The following ELP4 variants were observed in gnomAD, a reference collection of about 807,000 sequenced individuals.
ELP4 encodes the protein elongator acetyltransferase complex subunit 4.
In ELP4, 51 loss-of-function variants were observed where a neutral mutation model predicts 48.9. The observed-to-expected ratio is 1.04, with a 90% CI of 0.83 to 1.32. The LOEUF (loss-of-function observed/expected upper bound fraction) is 1.32, where lower values mean the gene tolerates loss of function less well. ELP4 is among the 40% of genes most tolerant of loss of function. The probability of loss-of-function intolerance (pLI) is 0.00; values close to 1 mark genes in which losing one functional copy is unlikely to be tolerated. For synonymous variants in ELP4, 210 were observed against 189.2 expected (o/e 1.11, Z -0.90); for missense variants, 519 against 514.6 (o/e 1.01, Z -0.08).
intron 9 of ELP4, among the ~76,000 whole-genome samples, chr11:31,725,382 C>G (rs886549919): frequency 2.6e-5 from 4 of 152,132 alleles, no homozygotes; most frequent in African/African-American, 9.7e-5. Flanking sequence ...TCCTGCTTGT[C>G]CCACAGGAAT....
intron 9 of ELP4, chr11:31,653,065 G>A (rs1457562813): frequency 6.6e-6 from 1 of 151,620 alleles, no homozygotes; most frequent in Non-Finnish European, 1.5e-5. Flanking sequence ...GAAAGCAAAG[G>A]AATATTTCTT....
At chr11:31,524,513 G>C (rs1366950425) in intron 2 of ELP4, among the ~76,000 whole-genome samples, 1 of 152,258 alleles carries the variant, frequency 6.6e-6, no homozygotes, top group East Asian at 1.9e-4. Context: ...ATAATCTCTT[G>C]GTTAGAAGCA....
intron 9 of ELP4, among the ~76,000 whole-genome samples, chr11:31,682,426 C>T (rs991026316): frequency 6.6e-6 from 1 of 152,200 alleles, no homozygotes; most frequent in South Asian, 2.1e-4. Context: ...CTGCTGAGAT[C>T]TCACATACAT....
intron 1 of ELP4, among the ~76,000 whole-genome samples, chr11:31,516,588 C>T (rs1390246745): frequency 1.3e-5 from 2 of 152,304 alleles, no homozygotes; most frequent in East Asian, 3.9e-4. Context: ...CATAACTTCC[C>T]ATGCTCAATT....
intron 7 of ELP4, among the ~76,000 whole-genome samples, chr11:31,644,148 C>G (rs956204862): frequency 1.3e-5 from 2 of 151,554 alleles, no homozygotes; most frequent in African/African-American, 4.8e-5. Flanking sequence ...GATTTTTGAG[C>G]CATCCTACAT....
At chr11:31,735,429 C>T (rs897730022) in intron 9 of ELP4, among the ~76,000 whole-genome samples, 7 of 152,136 alleles carry the variant, frequency 4.6e-5, no homozygotes, top group African/African-American at 1.2e-4. Context: ...CAGGGATGCC[C>T]TCTCTCACCA....
chr11:31,540,126 G>A (rs765536498), intron 3 of ELP4, among the ~76,000 whole-genome samples: 2 of 152,078 alleles, frequency 1.3e-5, no homozygotes, highest in African/African-American at 4.8e-5. Context: ...TTGAAGAAAG[G>A]GGAAAAACAT....
At chr11:31,585,598 C>T (rs1023539877) in intron 3 of ELP4, among the ~76,000 whole-genome samples, 2 of 151,648 alleles carry the variant, frequency 1.3e-5, no homozygotes, top group Non-Finnish European at 2.9e-5. Context: ...GAAATTCCTC[C>T]GTAAGAGATT....
intron 1 of ELP4, chr11:31,510,302 A>G: frequency 3.8e-6 from 2 of 528,110 alleles, no homozygotes; most frequent in South Asian, 3.1e-5. Flanking sequence ...TTTCTAGTCA[A>G]GGGAAGACAT....
intron 9 of ELP4, among the ~76,000 whole-genome samples, chr11:31,668,093 G>A (rs1302753109): frequency 6.6e-6 from 1 of 152,140 alleles, no homozygotes; most frequent in Non-Finnish European, 1.5e-5. Flanking sequence ...ATTGAATAGA[G>A]ATTATCCAAA....
chr11:31,646,203 C>G (rs1344057965), intron 7 of ELP4: 1 of 151,682 alleles, frequency 6.6e-6, no homozygotes, highest in Non-Finnish European at 1.5e-5. Context: ...ATAGGCATTT[C>G]CAAACTATGT....
intron 9 of ELP4, among the ~76,000 whole-genome samples, chr11:31,762,914 G>C (rs1947973352): frequency 6.6e-6 from 1 of 151,622 alleles, no homozygotes; most frequent in Non-Finnish European, 1.5e-5. Flanking sequence ...TTTATACCTT[G>C]AATATTATAT....
chr11:31,605,709 A>G (rs922154160), intron 5 of ELP4, among the ~76,000 whole-genome samples: 1 of 152,118 alleles, frequency 6.6e-6, no homozygotes, highest in African/African-American at 2.4e-5. Flanking sequence ...TCAACAGCTG[A>G]GGTAAGGAGG....
At chr11:31,510,281 C>T (rs1955963675) in intron 1 of ELP4, 5 of 547,406 alleles carry the variant, frequency 9.1e-6, no homozygotes, top group Non-Finnish European at 1.6e-5. Context: ...ATGCTTTTTA[C>T]CCTGAAATGC....
At chr11:31,545,988 TA>T (rs1463458494) in intron 3 of ELP4, among the ~76,000 whole-genome samples, 43 of 152,000 alleles carry the variant, frequency 2.8e-4, no homozygotes, top group African/African-American at 1.0e-3. Context: ...AAGGAAGCAC[TA>T]AACATGGAAA....
intron 9 of ELP4, among the ~76,000 whole-genome samples, chr11:31,733,756 A>G (rs1947245785): frequency 6.6e-6 from 1 of 152,168 alleles, no homozygotes; most frequent in African/African-American, 2.4e-5. Flanking sequence ...TCAGGACCAG[A>G]TGGCTTCACT....
chr11:31,736,265 C>G (rs985553768), intron 9 of ELP4, among the ~76,000 whole-genome samples: 6 of 152,124 alleles, frequency 3.9e-5, no homozygotes, highest in African/African-American at 1.4e-4. Context: ...GGAAAACTTG[C>G]TAGCCATATG....
chr11:31,688,663 A>G (rs1267936409), intron 9 of ELP4, among the ~76,000 whole-genome samples: 2 of 152,190 alleles, frequency 1.3e-5, no homozygotes, highest in African/African-American at 4.8e-5. Context: ...ACACTCAAGA[A>G]ATGTAGAATT....
At chr11:31,610,327 GTTTGT>G (rs71463322) in intron 5 of ELP4, among the ~76,000 whole-genome samples, 95,759 of 150,996 alleles carry the variant, frequency 0.63, 32,763 homozygotes, top group Non-Finnish European at 0.76. Flanking sequence ...CTCATTTTTT[GTTTGT>G]TTTGTTTTGT....
Sources: gnomAD v4.1 joint callset for allele counts (sites outside exome capture counted in the v4.1 genomes callset) on GRCh38, gnomAD v4.1.1 for gene constraint, MANE v1.5 for transcripts, NCBI Gene and HGNC (gene_info 2026-07-23, HGNC 2026-07-21) for gene names.